Variants in TBL1XR1 observed in about 807,000 individuals in gnomAD.
The protein encoded by TBL1XR1 is TBL1X/Y related 1.
Under a neutral mutation model 66.9 loss-of-function variants are expected in TBL1XR1, and 5 were observed. That is an observed-to-expected ratio of 0.07 (90% CI 0.04 to 0.16). The LOEUF (loss-of-function observed/expected upper bound fraction) is 0.16, where lower values mean the gene tolerates loss of function less well. Ranked by LOEUF, TBL1XR1 falls within the 10% of genes least tolerant of loss-of-function variation. The pLI is 1.00. For missense variants in TBL1XR1, 238 were observed against 623.2 expected, an observed-to-expected ratio of 0.38 and a Z score of 6.58; for synonymous variants, 210 against 206.0, an observed-to-expected ratio of 1.02 and a Z score of -0.17.
At position 177,150,696 on chromosome 3, in the gene TBL1XR1, G is replaced by A. The variant is rs145182810; in HGVS notation, c.-122+46425C>T. On this transcript the variant is annotated intron_variant, in intron 1 of 15. Coordinates refer to ENST00000457928, the MANE Select transcript of TBL1XR1 (RefSeq NM_024665.7). ...CTCAACTCCCAAAATGACCTTGTGT[G>A]TGGAAAAATATGTCCTGTGTAGGCC... Among the ~76,000 whole-genome samples the A allele has an allele frequency of 4.7e-4, 71 of 152,316 alleles. No homozygotes were observed. In the Middle Eastern group the frequency reaches 0.014, roughly 29 times the overall value.
At chr3:177,095,811 T>C (rs1723406685) in intron 2 of TBL1XR1, among the ~76,000 whole-genome samples, 2 of 152,116 alleles carry the variant, frequency 1.3e-5, no homozygotes, top group African/African-American at 4.8e-5. Flanking sequence ...TAAAATTACT[T>C]GTGTCTAGGT....
intron 10 of TBL1XR1, among the ~76,000 whole-genome samples, chr3:177,041,451 T>C (rs886443411): frequency 3.9e-5 from 6 of 152,202 alleles, no homozygotes; most frequent in Non-Finnish European, 1.5e-5. Context: ...CCCCCCATCC[T>C]GCTTCCCATA....
intron 2 of TBL1XR1, among the ~76,000 whole-genome samples, chr3:177,086,800 G>A (rs998242890): frequency 2.0e-5 from 3 of 151,258 alleles, no homozygotes; most frequent in South Asian, 4.2e-4. Context: ...TATAACTTCC[G>A]ACTTCCCAAA....
intron 1 of TBL1XR1, among the ~76,000 whole-genome samples, chr3:177,177,549 C>T (rs1205083811): frequency 1.3e-5 from 2 of 152,166 alleles, no homozygotes; most frequent in Non-Finnish European, 1.5e-5. Flanking sequence ...TCCATTTACC[C>T]GTTTTTTCTA....
chr3:177,141,517 T>C (rs1729629924), intron 1 of TBL1XR1, among the ~76,000 whole-genome samples: 1 of 152,238 alleles, frequency 6.6e-6, no homozygotes, highest in South Asian at 2.1e-4. Context: ...TCACATATTT[T>C]TATATGCACC....
At chr3:177,069,784 AAAGGAAGGAAAGGAAGGAAGG>A (rs1719670805) in intron 2 of TBL1XR1, among the ~76,000 whole-genome samples, 2 of 39,526 alleles carry the variant, frequency 5.1e-5, no homozygotes, top group African/African-American at 1.6e-4. Context: ...AAAGGAAGGA[AAAGGAAGGAAAGGAAGGAAGG>A]AAGGAAGGAA....
chr3:177,101,756 G>C (rs774887077), intron 1 of TBL1XR1, among the ~76,000 whole-genome samples: 1 of 152,116 alleles, frequency 6.6e-6, no homozygotes, highest in African/African-American at 2.4e-5. Context: ...ACAGAAAATG[G>C]ACTAAGACAA....
chr3:177,117,545 G>A (rs1201575664), intron 1 of TBL1XR1, among the ~76,000 whole-genome samples: 1 of 152,066 alleles, frequency 6.6e-6, no homozygotes, highest in Non-Finnish European at 1.5e-5. Context: ...ATTCAGCGTA[G>A]TTCCTTATAG....
At chr3:177,112,107 A>ATTTTTTTTTTTTTT (rs71170852) in intron 1 of TBL1XR1, among the ~76,000 whole-genome samples, 2 of 37,666 alleles carry the variant, frequency 5.3e-5, no homozygotes, top group African/African-American at 1.3e-4. Context: ...ATATATATAT[A>ATTTTTTTTTTTTTT]TTTTTTTTTT....
chr3:177,051,685 G>C lies in TBL1XR1; in HGVS notation c.246C>G (p.Ser82=). The stretch of plus-strand genomic sequence containing the variant: ...CATCAGGCATTACGGCATCTATCAG[G>C]GACAGAGACTCTATTGGTCGACCAT... ...LFDGRPIESL[S]LIDAVMPDVV... Residue 82 remains serine (S), a synonymous_variant, in exon 5 of 16, where the codon TCC becomes TCG. Transcript: ENST00000457928. 6.2e-7 allele frequency: 1 copy of C among 1,606,618 alleles called. No individual in the cohort carries two copies. Among genetic ancestry groups the C allele is most frequent in the Non-Finnish European group, 8.5e-7 (1 of 1,174,992 alleles).
At chr3:177,194,564 G>A (rs901245717) in intron 1 of TBL1XR1, among the ~76,000 whole-genome samples, 1 of 152,116 alleles carries the variant, frequency 6.6e-6, no homozygotes, top group Non-Finnish European at 1.5e-5. Context: ...GTTGTACTAG[G>A]GAGATTCCTT....
chr3:177,120,340 G>T (rs1193493589), intron 1 of TBL1XR1, among the ~76,000 whole-genome samples: 1 of 152,038 alleles, frequency 6.6e-6, no homozygotes, highest in African/African-American at 2.4e-5. Context: ...AAAGAATGCT[G>T]ATAACATACC....
At chr3:177,196,184 G>GCTGC (rs1736822592) in intron 1 of TBL1XR1, among the ~76,000 whole-genome samples, 1 of 152,034 alleles carries the variant, frequency 6.6e-6, no homozygotes, top group Non-Finnish European at 1.5e-5. Context: ...CTTCCCTCGA[G>GCTGC]CTGCCATTTA....
chr3:177,071,978 A>AAGT (rs920613619), intron 2 of TBL1XR1, among the ~76,000 whole-genome samples: 1 of 152,168 alleles, frequency 6.6e-6, no homozygotes, highest in African/African-American at 2.4e-5. Context: ...GGGAGAAGAG[A>AAGT]AGTACATCAC....
At chr3:177,165,912 C>T (rs1732763560) in intron 1 of TBL1XR1, among the ~76,000 whole-genome samples, 1 of 146,090 alleles carries the variant, frequency 6.8e-6, no homozygotes, top group African/African-American at 2.5e-5. Context: ...GCCTAGGCAA[C>T]ATGGCAAAAG....
At chr3:177,048,727 A>G (rs1436739085) in intron 7 of TBL1XR1, among the ~76,000 whole-genome samples, 1 of 152,258 alleles carries the variant, frequency 6.6e-6, no homozygotes, top group Admixed American at 6.5e-5. Flanking sequence ...GCCATGGAAA[A>G]GAATCATTAA....
At chr3:177,182,295 G>T (rs1228399113) in intron 1 of TBL1XR1, among the ~76,000 whole-genome samples, 1 of 152,212 alleles carries the variant, frequency 6.6e-6, no homozygotes, top group East Asian at 1.9e-4. Context: ...GAGGTGATAG[G>T]ACCACCTGAG....
intron 1 of TBL1XR1, among the ~76,000 whole-genome samples, chr3:177,138,008 T>C (rs1254619879): frequency 6.6e-6 from 1 of 151,936 alleles, no homozygotes; most frequent in Non-Finnish European, 1.5e-5. Flanking sequence ...GCAAAGCGAG[T>C]AGATGTCACT....
At chr3:177,076,200 C>T (rs774187482) in intron 2 of TBL1XR1, among the ~76,000 whole-genome samples, 25 of 152,180 alleles carry the variant, frequency 1.6e-4, no homozygotes, top group Non-Finnish European at 2.9e-5. Flanking sequence ...GAGGGCAAAG[C>T]CCTTATGTCT....
Sources: allele counts gnomAD v4.1 joint callset (sites outside exome capture counted in the v4.1 genomes callset), GRCh38; gene constraint gnomAD v4.1.1; transcripts MANE v1.5; gene names NCBI Gene and HGNC (gene_info 2026-07-23, HGNC 2026-07-21).